C8orf89: variants seen among roughly 807,000 people sequenced by gnomAD.
C8orf89 encodes the protein chromosome 8 open reading frame 89, also known as putative uncharacterized protein C8orf89.
A neutral mutation model predicts 15.8 loss-of-function variants in C8orf89; 14 were observed. The observed-to-expected ratio is 0.89, with a 90% CI of 0.59 to 1.39. The LOEUF is 1.39. Ranked by LOEUF, C8orf89 falls within the 40% of genes most tolerant of loss-of-function variation. C8orf89 has a pLI of 0.00. For missense variants in C8orf89, 181 were observed against 184.5 expected, an observed-to-expected ratio of 0.98 and a Z score of 0.11; for synonymous variants, 55 against 62.2, an observed-to-expected ratio of 0.88 and a Z score of 0.54.
At chr8:73,252,320 G>A (rs911265571) in intron 2 of C8orf89, among the ~76,000 whole-genome samples, 1 of 152,114 alleles carries the variant, frequency 6.6e-6, no homozygotes, top group African/African-American at 2.4e-5. Flanking sequence ...AATGTGGTTG[G>A]TAAGACTGTT....
Position 73,258,900 on chromosome 8 carries a change from A to G in C8orf89, c.127+432T>C, listed in dbSNP as rs550718283. On this transcript the variant is annotated intron_variant, in intron 1 of 3. Coordinates refer to ENST00000624510, the MANE Select transcript of C8orf89 (RefSeq NM_001243237.3). The stretch of plus-strand genomic sequence containing the variant: ...CCTGCCTTGGCCTCTCAAAGTGCTC[A>G]AATTACAGGCTAAGCCACTGTGCCT... 7.7e-4 allele frequency among the ~76,000 whole-genome samples: 118 copies of G among 152,280 alleles called. 2 individuals are homozygous for G. Among genetic ancestry groups the G allele is most frequent in the Middle Eastern group, 6.8e-3 (2 of 294 alleles).
At chr8:73,269,493 T>A in the C8orf89 span, among the ~76,000 whole-genome samples, 1 of 152,226 alleles carries the variant, frequency 6.6e-6, no homozygotes, top group Non-Finnish European at 1.5e-5. Flanking sequence ...TTCATTATAG[T>A]CTGATCTGCA....
chr8:73,272,538 T>C, the C8orf89 span, among the ~76,000 whole-genome samples: 2 of 152,122 alleles, frequency 1.3e-5, no homozygotes, highest in Non-Finnish European at 2.9e-5. Context: ...ATGTGCCGTG[T>C]TGGTGTGCTG....
intron 2 of C8orf89, among the ~76,000 whole-genome samples, chr8:73,255,447 A>G (rs1476017217): frequency 2.0e-5 from 3 of 152,292 alleles, no homozygotes; most frequent in East Asian, 3.9e-4. Flanking sequence ...TAGAATGGCA[A>G]TCATTAAAAA....
chr8:73,244,482 C>T (rs1390714192), intron 3 of C8orf89, among the ~76,000 whole-genome samples: 1 of 152,100 alleles, frequency 6.6e-6, no homozygotes, highest in African/African-American at 2.4e-5. Context: ...TCTCTATATA[C>T]AATATACAAA....
chr8:73,284,257 AG>A, the C8orf89 span, among the ~76,000 whole-genome samples: 1 of 116,772 alleles, frequency 8.6e-6, no homozygotes, highest in Non-Finnish European at 1.6e-5. Flanking sequence ...TCTGTCACTC[AG>A]GCTGGTGTGC....
chr8:73,281,635 C>T, the C8orf89 span, among the ~76,000 whole-genome samples: 1 of 119,522 alleles, frequency 8.4e-6, no homozygotes, highest in African/African-American at 3.1e-5. Flanking sequence ...GGAAGGTTTT[C>T]TTTGTTTGTT....
intron 3 of C8orf89, among the ~76,000 whole-genome samples, chr8:73,244,665 A>C (rs1813084210): frequency 6.6e-6 from 1 of 152,174 alleles, no homozygotes. Context: ...TTGCAGGGGT[A>C]ATATGAGTGA....
the C8orf89 span, among the ~76,000 whole-genome samples, chr8:73,274,505 A>G: frequency 1.7e-4 from 26 of 152,190 alleles, 1 homozygote; most frequent in Non-Finnish European, 4.4e-5. Context: ...ATTGGTACAG[A>G]GAGAAATGTA....
the C8orf89 span, among the ~76,000 whole-genome samples, chr8:73,273,682 T>G: frequency 2.5e-3 from 372 of 151,426 alleles, 7 homozygotes; most frequent in Admixed American, 0.021. Flanking sequence ...GGGCCCAGGC[T>G]GTCAGTTCCA....
the C8orf89 span, among the ~76,000 whole-genome samples, chr8:73,279,109 A>C: frequency 6.6e-6 from 1 of 152,092 alleles, no homozygotes; most frequent in Non-Finnish European, 1.5e-5. Flanking sequence ...AATATGAAAA[A>C]TTTAAATTTT....
intron 3 of C8orf89, 76 bp from the exon 4 acceptor site, chr8:73,241,681 G>C (rs1052451973): frequency 1.7e-6 from 2 of 1,167,416 alleles, no homozygotes; most frequent in Admixed American, 3.0e-5. Flanking sequence ...AATATAATGT[G>C]ACTGAAATAT....
chr8:73,274,192 C>A, the C8orf89 span, among the ~76,000 whole-genome samples: 257 of 151,998 alleles, frequency 1.7e-3, no homozygotes, highest in Admixed American at 3.1e-3. Context: ...CTTGCTCTGT[C>A]GCCCAGGCTG....
upstream of C8orf89, among the ~76,000 whole-genome samples, chr8:73,260,459 A>G (rs186940965): frequency 2.0e-4 from 30 of 152,286 alleles, no homozygotes; most frequent in Non-Finnish European, 3.8e-4. Context: ...TGGGTGCAGC[A>G]CACCAGCATG....
the C8orf89 span, among the ~76,000 whole-genome samples, chr8:73,276,805 A>ATTGT: frequency 1.1e-5 from 1 of 87,640 alleles, no homozygotes; most frequent in African/African-American, 4.2e-5. Context: ...CACAGCAGTC[A>ATTGT]TTTTTTTTTT....
chr8:73,254,000 T>C lies in C8orf89; in HGVS notation c.281+2973A>G, dbSNP rs1586164849. 3.9e-5 allele frequency among the ~76,000 whole-genome samples: 6 copies of C among 152,236 alleles called. No individual in the cohort carries two copies. In the South Asian group the frequency reaches 8.3e-4, roughly 21 times the overall value. On this transcript the variant is annotated intron_variant, in intron 2 of 3. Coordinates refer to ENST00000624510, the MANE Select transcript of C8orf89 (RefSeq NM_001243237.3). ...TAGGAGTGGTGAGAGAGGGCATCCC[T>C]GTCTTGGGCCAGTTTTCAAAGGGAA... is the stretch of plus-strand genomic sequence containing the variant.
intron 2 of C8orf89, among the ~76,000 whole-genome samples, chr8:73,252,607 G>A (rs190611319): frequency 6.6e-6 from 1 of 151,834 alleles, no homozygotes; most frequent in African/African-American, 2.4e-5. Context: ...ACCTGTTCCA[G>A]CTCTCTATTT....
chr8:73,272,646 T>A, the C8orf89 span, among the ~76,000 whole-genome samples: 4 of 151,168 alleles, frequency 2.6e-5, no homozygotes, highest in Admixed American at 6.6e-5. Flanking sequence ...GATGTTCCCC[T>A]TCCTGTGTCC....
At chr8:73,265,966 T>C in the C8orf89 span, among the ~76,000 whole-genome samples, 1 of 152,228 alleles carries the variant, frequency 6.6e-6, no homozygotes, top group Non-Finnish European at 1.5e-5. Flanking sequence ...TCTCTTAATC[T>C]GTCTACTTCT....
Sources: gnomAD v4.1 joint callset for allele counts (sites outside exome capture counted in the v4.1 genomes callset) on GRCh38, gnomAD v4.1.1 for gene constraint, MANE v1.5 for transcripts, NCBI Gene and HGNC (gene_info 2026-07-23, HGNC 2026-07-21) for gene names.